The following ADGRB3 variants were observed in gnomAD, a reference collection of about 807,000 sequenced individuals.
ADGRB3 encodes adhesion G protein-coupled receptor B3, also known as brain-specific angiogenesis inhibitor 3.
In ADGRB3, 37 loss-of-function variants were observed where a neutral mutation model predicts 193.4. The observed-to-expected ratio is 0.19, with a 90% CI of 0.15 to 0.25. ADGRB3 has a LOEUF of 0.25. Among genes scored for constraint, ADGRB3 ranks in the 10% least tolerant of loss-of-function variants. ADGRB3 has a pLI of 1.00. For synonymous variants in ADGRB3, 690 were observed against 644.2 expected, an observed-to-expected ratio of 1.07 and a Z score of -1.08; for missense variants, 1,637 against 1,852.9, an observed-to-expected ratio of 0.88 and a Z score of 2.14.
At chr6:69,203,460 T>C (rs1765474889) in intron 17 of ADGRB3, among the ~76,000 whole-genome samples, 1 of 151,982 alleles carries the variant, frequency 6.6e-6, no homozygotes, top group Non-Finnish European at 1.5e-5. Flanking sequence ...TGTTTTTTTT[T>C]TCTCTTACCC....
At chr6:69,209,453 C>T (rs1765608292) in intron 17 of ADGRB3, among the ~76,000 whole-genome samples, 2 of 152,188 alleles carry the variant, frequency 1.3e-5, no homozygotes, top group Admixed American at 6.5e-5. Context: ...ATTTATTTCC[C>T]ATCCTCTGGC....
chr6:68,783,172 T>C (rs1766891724), intron 3 of ADGRB3, among the ~76,000 whole-genome samples: 1 of 151,362 alleles, frequency 6.6e-6, no homozygotes. Flanking sequence ...ATGATAAAAT[T>C]GAGACTTTTA....
intron 1 of ADGRB3, among the ~76,000 whole-genome samples, chr6:68,636,422 C>T (rs1767953386): frequency 6.7e-6 from 1 of 149,812 alleles, no homozygotes; most frequent in African/African-American, 2.5e-5. Context: ...AAACTCAATG[C>T]TGGTTTGCTT....
chr6:68,978,819 A>G (rs1768823906), intron 10 of ADGRB3, among the ~76,000 whole-genome samples: 1 of 151,412 alleles, frequency 6.6e-6, no homozygotes, highest in African/African-American at 2.4e-5. Context: ...TTACCCTTCT[A>G]TATTCTAAAA....
At chr6:69,245,226 G>A (rs957948657) in intron 20 of ADGRB3, among the ~76,000 whole-genome samples, 1 of 151,920 alleles carries the variant, frequency 6.6e-6, no homozygotes, top group African/African-American at 2.4e-5. Flanking sequence ...ACTGCTTACA[G>A]TATTATCAAT....
At chr6:69,098,977 T>C (rs1772959718) in intron 17 of ADGRB3, among the ~76,000 whole-genome samples, 1 of 152,230 alleles carries the variant, frequency 6.6e-6, no homozygotes, top group South Asian at 2.1e-4. Flanking sequence ...TTAGTTAAAA[T>C]TAATTTTAAA....
chr6:69,028,457 G>C (rs780324044), intron 13 of ADGRB3, among the ~76,000 whole-genome samples: 7 of 152,024 alleles, frequency 4.6e-5, no homozygotes, highest in Non-Finnish European at 1.0e-4. Context: ...CAAATGTTAT[G>C]TGTAATAGAA....
chr6:69,201,509 C>T (rs999655242), intron 17 of ADGRB3, among the ~76,000 whole-genome samples: 1 of 151,924 alleles, frequency 6.6e-6, no homozygotes, highest in Non-Finnish European at 1.5e-5. Context: ...TGTTTTGTTT[C>T]CTAACTCCTA....
intron 17 of ADGRB3, among the ~76,000 whole-genome samples, chr6:69,092,577 G>T (rs1346860511): frequency 6.6e-6 from 1 of 152,150 alleles, no homozygotes; most frequent in African/African-American, 2.4e-5. Flanking sequence ...AAGATTTTGT[G>T]TGCAAGTTAC....
At chr6:68,900,144 A>G (rs536398020) in intron 3 of ADGRB3, among the ~76,000 whole-genome samples, 43 of 152,342 alleles carry the variant, frequency 2.8e-4, no homozygotes, top group African/African-American at 9.9e-4. Flanking sequence ...GTATACATTT[A>G]GAAATATGTA....
intron 23 of ADGRB3, chr6:69,331,569 C>G (rs1240957006): frequency 2.0e-6 from 2 of 985,164 alleles, no homozygotes; most frequent in Non-Finnish European, 2.4e-6. Context: ...TAACAGGGAG[C>G]AGAAACTGTC....
intron 3 of ADGRB3, among the ~76,000 whole-genome samples, chr6:68,650,040 G>A (rs1768312631): frequency 6.6e-6 from 1 of 152,148 alleles, no homozygotes; most frequent in Admixed American, 6.5e-5. Context: ...GAGAACAACA[G>A]GTTTCTTACT....
chr6:68,831,255 T>G (rs1456761180), intron 3 of ADGRB3, among the ~76,000 whole-genome samples: 2 of 143,082 alleles, frequency 1.4e-5, no homozygotes, highest in Non-Finnish European at 3.0e-5. Context: ...AGCCCAAGGC[T>G]ACTCACTTAG....
chr6:69,137,283 A>T lies in ADGRB3; in HGVS notation c.2480+61245A>T, dbSNP rs371323498. On this transcript the variant is annotated intron_variant, in intron 17 of 31. Coordinates refer to ENST00000370598, the MANE Select transcript of ADGRB3 (RefSeq NM_001704.3). ...TTTGCCCAGTAGGTTATATTTGAAT[A>T]CTTTTTCAGTGATGTTATTCCTTGC... 7.1e-4 allele frequency among the ~76,000 whole-genome samples: 108 copies of T among 151,762 alleles called. 1 individual carries two copies. The South Asian group carries it at 0.017, about 25-fold the overall frequency.
chr6:68,765,979 T>C (rs1185535862), intron 3 of ADGRB3, among the ~76,000 whole-genome samples: 1 of 152,068 alleles, frequency 6.6e-6, no homozygotes, highest in Non-Finnish European at 1.5e-5. Context: ...ACCTTAATAA[T>C]AGCTTGTCTA....
chr6:69,122,171 G>C (rs1209750077), intron 17 of ADGRB3, among the ~76,000 whole-genome samples: 1 of 151,886 alleles, frequency 6.6e-6, no homozygotes, highest in Non-Finnish European at 1.5e-5. Flanking sequence ...AGTGAGCATT[G>C]GGTGGGCGAG....
intron 21 of ADGRB3, among the ~76,000 whole-genome samples, chr6:69,326,177 A>T (rs28522380): frequency 0.01 from 1,582 of 152,252 alleles, 21 homozygotes; most frequent in African/African-American, 0.036. Context: ...TGGGAAGTGG[A>T]GGTTGCAGTG....
intron 17 of ADGRB3, among the ~76,000 whole-genome samples, chr6:69,219,442 C>T (rs1406816515): frequency 8.1e-6 from 1 of 122,988 alleles, no homozygotes; most frequent in Non-Finnish European, 1.8e-5. Flanking sequence ...TATGCTTTAA[C>T]TTAAAAATAC....
At position 68,986,923 on chromosome 6, in the gene ADGRB3, T is replaced by G. The variant is rs1358886567; in HGVS notation, c.1735-6845T>G. On this transcript the variant is annotated intron_variant, in intron 10 of 31. Coordinates refer to ENST00000370598, the MANE Select transcript of ADGRB3 (RefSeq NM_001704.3). Reference sequence around the variant, plus strand: ...AGGCTTGAAATGAAAAGAATAAGGTTATTTCAGAAACACACCTACTCTTTA... The same window carrying G: ...AGGCTTGAAATGAAAAGAATAAGGTGATTTCAGAAACACACCTACTCTTTA... 4.6e-5 allele frequency among the ~76,000 whole-genome samples: 7 copies of G among 152,112 alleles called. No individual in the cohort carries two copies. In the East Asian group the frequency reaches 1.2e-3, roughly 25 times the overall value.
Sources: allele counts gnomAD v4.1 joint callset (sites outside exome capture counted in the v4.1 genomes callset), GRCh38; gene constraint gnomAD v4.1.1; transcripts MANE v1.5; gene names NCBI Gene and HGNC (gene_info 2026-07-23, HGNC 2026-07-21).